Variants in RPA1 observed in about 807,000 individuals in gnomAD.
RPA1 encodes the protein replication protein A 70 kDa DNA-binding subunit.
Under a neutral mutation model 83.0 loss-of-function variants are expected in RPA1, and 49 were observed. The ratio of observed to expected loss-of-function variants is 0.59; its 90% CI spans 0.47 to 0.75. The LOEUF is 0.75. Among genes scored for constraint, RPA1 ranks in the 30% least tolerant of loss-of-function variants. The pLI is 0.00. For missense variants in RPA1, 693 were observed against 776.1 expected, an observed-to-expected ratio of 0.89 and a Z score of 1.27; for synonymous variants, 279 against 281.8, an observed-to-expected ratio of 0.99 and a Z score of 0.10.
intron 15 of RPA1, among the ~76,000 whole-genome samples, chr17:1,893,275 T>G (rs1197248531): frequency 3.9e-5 from 6 of 152,262 alleles, no homozygotes; most frequent in African/African-American, 1.4e-4. Context: ...GCTTATTATA[T>G]TTGACTGTTT....
intron 7 of RPA1, among the ~76,000 whole-genome samples, chr17:1,876,963 G>T (rs1200222424): frequency 1.3e-5 from 2 of 152,222 alleles, no homozygotes; most frequent in African/African-American, 4.8e-5. Context: ...GGAGAAGGGA[G>T]AGAGTTTATA....
chr17:1,891,759 T>A (rs1286934090), intron 14 of RPA1, 74 bp from the exon 15 acceptor site: 3 of 991,250 alleles, frequency 3.0e-6, no homozygotes, highest in Non-Finnish European at 4.6e-6. Flanking sequence ...AAAAGAACAT[T>A]AACCTCTCCC....
intron 14 of RPA1, among the ~76,000 whole-genome samples, chr17:1,890,141 A>G (rs930958082): frequency 2.6e-5 from 4 of 152,186 alleles, no homozygotes; most frequent in Non-Finnish European, 2.9e-5. Flanking sequence ...AGGCTGAGGC[A>G]GGATGATTGC....
At chr17:1,857,996 A>G (rs940349973) in intron 5 of RPA1, 40 of 1,598,248 alleles carry the variant, frequency 2.5e-5, no homozygotes, top group Non-Finnish European at 3.2e-5. Context: ...AGATGGGTGA[A>G]TGTAATAATG....
rs748498375 is a variant in RPA1, at chr17:1,877,203, G to C, written c.588-9G>C. 1 of 1,613,124 alleles carries C rather than the reference G, an allele frequency of 6.2e-7. No homozygotes were observed. Among genetic ancestry groups the C allele is most frequent in the South Asian group, 1.1e-5 (1 of 91,056 alleles). On this transcript the variant is annotated splice_polypyrimidine_tract_variant and intron_variant, in intron 7 of 16. Coordinates refer to ENST00000254719, the MANE Select transcript of RPA1 (RefSeq NM_002945.5). ...CCCCATACACTAATATGATCGATTT[G>C]GTTTGTAGGTGGACCATTTGTGCTC... is the stretch of plus-strand genomic sequence containing the variant.
At chr17:1,878,651 C>T (rs1290005694) in intron 8 of RPA1, among the ~76,000 whole-genome samples, 1 of 152,186 alleles carries the variant, frequency 6.6e-6, no homozygotes, top group African/African-American at 2.4e-5. Context: ...GCGTGTCCCT[C>T]AGTATTCAAC....
At position 1,893,578 on chromosome 17, in the gene RPA1, T is replaced by G. The variant is rs1315384239; in HGVS notation, c.1660-1431T>G. Among the ~76,000 whole-genome samples, 6 of 152,220 alleles carry G rather than the reference T, an allele frequency of 3.9e-5. No individual in the cohort carries two copies. In the East Asian group the frequency reaches 7.7e-4, roughly 19 times the overall value. ...CTATTAATTAGTTTTTCTTTTTTTTTGTCAAAGGTCTCAATCAACTCTGTT... is the reference window on the plus strand; with the variant it reads ...CTATTAATTAGTTTTTCTTTTTTTTGGTCAAAGGTCTCAATCAACTCTGTT... On this transcript the variant is annotated intron_variant, in intron 15 of 16. Transcript: ENST00000254719.
chr17:1,874,012 A>AAAAAAAAAAAAATATAT (rs1555592994), intron 6 of RPA1, among the ~76,000 whole-genome samples: 1 of 93,864 alleles, frequency 1.1e-5, no homozygotes, highest in African/African-American at 5.1e-5. Flanking sequence ...AAAAAAAAAA[A>AAAAAAAAAAAAATATAT]ATATATATAT....
At position 1,893,293 on chromosome 17, in the gene RPA1, CG is replaced by C. The variant is rs561693874; in HGVS notation, c.1659+1355del. On this transcript the variant is annotated intron_variant, in intron 15 of 16. Coordinates refer to ENST00000254719, the MANE Select transcript of RPA1 (RefSeq NM_002945.5). Reference sequence around the variant, plus strand: ...TATTATATTTGACTGTTTTTTCTGCCGGTGAATGAGGACATATAGAAACTTC... The same window carrying C: ...TATTATATTTGACTGTTTTTTCTGCCGTGAATGAGGACATATAGAAACTTC... Among the ~76,000 whole-genome samples the C allele has an allele frequency of 2.5e-4, 38 of 152,266 alleles. No homozygotes were observed. In the East Asian group the frequency reaches 7.1e-3, roughly 29 times the overall value.
intron 5 of RPA1, among the ~76,000 whole-genome samples, chr17:1,871,619 A>G (rs778847621): frequency 6.6e-6 from 1 of 152,250 alleles, no homozygotes; most frequent in Non-Finnish European, 1.5e-5. Context: ...GTCAAATTCC[A>G]TAAATCTGTT....
At chr17:1,836,903 T>A (rs1357211387) in intron 1 of RPA1, among the ~76,000 whole-genome samples, 2 of 150,214 alleles carry the variant, frequency 1.3e-5, no homozygotes, top group Non-Finnish European at 3.0e-5. Context: ...AGTGGCGCAA[T>A]CTCAGCTCAC....
At position 1,879,564 on chromosome 17, in the gene RPA1, C is replaced by T. The variant is rs551430985; in HGVS notation, c.957C>T (p.Ile319=). 3 of 1,614,198 alleles carry T rather than the reference C, an allele frequency of 1.9e-6. No individual in the cohort carries two copies. The African/African-American group carries it at 4.0e-5, about 22-fold the overall frequency. ...ENKSKDSLVD[I]IGICKSYEDA... ...TAACACGTGCATGTGTTTTAGACAT[C>T]ATCGGGATCTGCAAGAGCTATGAAG... The change falls in exon 11 of 17, where the codon ATC becomes ATT. Residue 319 remains isoleucine, a synonymous_variant. Coordinates refer to ENST00000254719, the MANE Select transcript of RPA1 (RefSeq NM_002945.5).
At chr17:1,863,472 C>T (rs1188396476) in intron 5 of RPA1, among the ~76,000 whole-genome samples, 2 of 152,146 alleles carry the variant, frequency 1.3e-5, no homozygotes, top group African/African-American at 4.8e-5. Context: ...CTTGGCCTCC[C>T]AAAGTGTTGG....
intron 2 of RPA1, 64 bp from the exon 3 acceptor site, chr17:1,843,856 C>A: frequency 1.5e-6 from 2 of 1,355,624 alleles, no homozygotes; most frequent in Non-Finnish European, 1.0e-6. Flanking sequence ...CCTGCCACTT[C>A]GGTTTACGTA....
chr17:1,882,968 T>G (rs1913851823), intron 12 of RPA1, among the ~76,000 whole-genome samples: 1 of 152,166 alleles, frequency 6.6e-6, no homozygotes. Context: ...ACTGATTCTC[T>G]TCACCACTGG....
chr17:1,884,738 C>T lies in RPA1; in HGVS notation c.1374+794C>T, dbSNP rs1913928345. 6.6e-6 allele frequency among the ~76,000 whole-genome samples: 1 copy of T among 152,202 alleles called. No homozygotes were observed. The highest frequency in any genetic ancestry group is 1.5e-5 in the Non-Finnish European group (1 of 68,044). ...TCGTTGTCCTGTCATGGGACACCCA[C>T]TCTTTCGGTTCTCTGTAATCCCAGC... On this transcript the variant is annotated intron_variant, in intron 13 of 16. Transcript: ENST00000254719. The surrounding 1 kb of genome is among the most constrained non-coding windows in gnomAD (Gnocchi z 4.1).
At position 1,844,088 on chromosome 17, in the gene RPA1, C is replaced by T. The variant is rs1220512838; in HGVS notation, c.163+90C>T. 2.1e-5 allele frequency: 22 copies of T among 1,071,772 alleles called. No individual in the cohort carries two copies. The East Asian group carries it at 3.0e-4, about 14-fold the overall frequency. The allele number at this position is 1,071,772 out of a possible 1,614,324, so 66.4% of individuals were successfully genotyped here. A position where few individuals can be genotyped will look rare whatever the true frequency, so the allele number is the denominator to read the frequency against. Reference sequence around the variant, plus strand: ...TTGGTTGCCATAATTTGGGGGCATTCGTGAAGTCCGTACTTGCTTGGCTAC... The same window carrying T: ...TTGGTTGCCATAATTTGGGGGCATTTGTGAAGTCCGTACTTGCTTGGCTAC... On this transcript the variant is annotated intron_variant, in intron 3 of 16. Transcript: ENST00000254719.
At position 1,884,022 on chromosome 17, in the gene RPA1, C is replaced by CA; in HGVS notation, c.1374+79dup. 1 of 1,576,170 alleles carries CA rather than the reference C, an allele frequency of 6.3e-7. No homozygotes were observed. The highest frequency in any genetic ancestry group is 8.7e-7 in the Non-Finnish European group (1 of 1,155,272). ...ATGGATTTAGAAACTTGGTTTCCAG[C>CA]ACCAGCTGTCAGAGCCGTAATTCTT... On this transcript the variant is annotated intron_variant, in intron 13 of 16. Coordinates refer to ENST00000254719, the MANE Select transcript of RPA1 (RefSeq NM_002945.5). The surrounding 1 kb of genome is among the most constrained non-coding windows in gnomAD (Gnocchi z 4.1).
intron 5 of RPA1, among the ~76,000 whole-genome samples, chr17:1,855,080 G>A (rs1396810268): frequency 6.6e-6 from 1 of 152,100 alleles, no homozygotes; most frequent in Non-Finnish European, 1.5e-5. Flanking sequence ...AATGGATGGT[G>A]AGTTTTGTCA....
Sources: allele counts gnomAD v4.1 joint callset (sites outside exome capture counted in the v4.1 genomes callset), GRCh38; gene constraint gnomAD v4.1.1; non-coding constraint Gnocchi (gnomAD v3.1); transcripts MANE v1.5; gene names NCBI Gene and HGNC (gene_info 2026-07-23, HGNC 2026-07-21).